IPO11: variants seen among roughly 807,000 people sequenced by gnomAD.
IPO11 encodes the protein importin 11.
Under a neutral mutation model 143.2 loss-of-function variants are expected in IPO11, and 66 were observed. The observed-to-expected ratio is 0.46, with a 90% CI of 0.38 to 0.57. IPO11 has a LOEUF of 0.57. IPO11 is among the 20% of genes least tolerant of loss of function. The probability of loss-of-function intolerance (pLI) is 0.00; values close to 1 mark genes in which losing one functional copy is unlikely to be tolerated. For synonymous variants in IPO11, 385 were observed against 377.8 expected, an observed-to-expected ratio of 1.02 and a Z score of -0.22; for missense variants, 1,026 against 1,141.0, an observed-to-expected ratio of 0.90 and a Z score of 1.45.
At chr5:62,507,660 G>A (rs1450626614) in intron 19 of IPO11, among the ~76,000 whole-genome samples, 1 of 151,972 alleles carries the variant, frequency 6.6e-6, no homozygotes. Flanking sequence ...AACAAGATTT[G>A]GCTATTTTCT....
intron 20 of IPO11, among the ~76,000 whole-genome samples, chr5:62,524,098 G>T (rs1742290050): frequency 6.6e-6 from 1 of 151,712 alleles, no homozygotes; most frequent in African/African-American, 2.4e-5. Context: ...ATTCATTTTT[G>T]AACTTTCAGA....
intron 27 of IPO11, chr5:62,581,436 G>T: frequency 2.6e-6 from 2 of 770,722 alleles, no homozygotes; most frequent in South Asian, 2.5e-5. Context: ...ATTAAAATAT[G>T]TTTTTAATAA....
chr5:62,502,189 C>G (rs73760827), intron 16 of IPO11, among the ~76,000 whole-genome samples: 1 of 152,162 alleles, frequency 6.6e-6, no homozygotes, highest in African/African-American at 2.4e-5. Context: ...TATGTCTTGA[C>G]GGCACTTACT....
At chr5:62,430,185 G>A (rs1157796709) in intron 1 of IPO11, among the ~76,000 whole-genome samples, 1 of 152,118 alleles carries the variant, frequency 6.6e-6, no homozygotes, top group Admixed American at 6.5e-5. Flanking sequence ...CATTTCTCTT[G>A]ACTGTATGTC....
intron 27 of IPO11, among the ~76,000 whole-genome samples, chr5:62,574,045 C>A (rs750240830): frequency 9.2e-5 from 14 of 152,174 alleles, no homozygotes; most frequent in Non-Finnish European, 2.1e-4. Context: ...TGTAGGACTT[C>A]TTTCTAACTA....
chr5:62,548,459 A>C (rs1270766512), intron 24 of IPO11, among the ~76,000 whole-genome samples: 1 of 152,062 alleles, frequency 6.6e-6, no homozygotes. Flanking sequence ...ATGTAAGTTT[A>C]TTTAAATGCA....
intron 21 of IPO11, among the ~76,000 whole-genome samples, chr5:62,527,456 A>G (rs1742405552): frequency 6.6e-6 from 1 of 152,222 alleles, no homozygotes; most frequent in Admixed American, 6.5e-5. Flanking sequence ...GATTTAGCCC[A>G]TGAGCTGTAG....
intron 9 of IPO11, among the ~76,000 whole-genome samples, chr5:62,477,876 A>G (rs1746020199): frequency 6.6e-6 from 1 of 152,204 alleles, no homozygotes; most frequent in African/African-American, 2.4e-5. Flanking sequence ...AAGCAATTTC[A>G]TTTATGAAAT....
chr5:62,490,086 T>C lies in IPO11; in HGVS notation c.1358-29T>C, dbSNP rs751559029. The stretch of plus-strand genomic sequence containing the variant: ...TTGCAGATCTGATATCTGAAACCTT[T>C]AATTTTTTTTCTTAAATTTTCTTCT... On this transcript the variant is annotated intron_variant, in intron 14 of 29. Coordinates refer to ENST00000325324, the MANE Select transcript of IPO11 (RefSeq NM_016338.5). 33 of 1,418,622 alleles carry C rather than the reference T, an allele frequency of 2.3e-5. No individual in the cohort carries two copies. In the East Asian group the frequency reaches 8.0e-4, roughly 34 times the overall value. The allele number at this position is 1,418,622 out of a possible 1,614,324, so 87.9% of individuals were successfully genotyped here.
chr5:62,459,928 A>G (rs762588272), intron 5 of IPO11, among the ~76,000 whole-genome samples: 5 of 152,234 alleles, frequency 3.3e-5, no homozygotes, highest in Non-Finnish European at 7.3e-5. Flanking sequence ...AGGTGTTTTT[A>G]AAATTGAAAA....
At chr5:62,470,859 G>A (rs1405333549) in intron 7 of IPO11, among the ~76,000 whole-genome samples, 6 of 93,686 alleles carry the variant, frequency 6.4e-5, no homozygotes, top group African/African-American at 1.8e-4. Context: ...ACAGAGTCTC[G>A]CTCTGTCACC....
intron 24 of IPO11, among the ~76,000 whole-genome samples, chr5:62,543,774 T>C (rs1743045956): frequency 6.6e-6 from 1 of 152,166 alleles, no homozygotes; most frequent in South Asian, 2.1e-4. Flanking sequence ...TTAATTGTGA[T>C]GTTAGGGTGT....
intron 29 of IPO11, among the ~76,000 whole-genome samples, chr5:62,621,450 A>C (rs1205607206): frequency 1.3e-5 from 2 of 152,124 alleles, no homozygotes; most frequent in East Asian, 3.9e-4. Flanking sequence ...CCCCCTGCAA[A>C]TGGGGCATAC....
intron 4 of IPO11, among the ~76,000 whole-genome samples, chr5:62,451,482 C>A (rs1457966414): frequency 6.6e-6 from 1 of 152,082 alleles, no homozygotes; most frequent in East Asian, 1.9e-4. Context: ...ACATGGTGGA[C>A]ATTATATGAA....
At chr5:62,426,508 T>C (rs749161553) in intron 1 of IPO11, among the ~76,000 whole-genome samples, 50 of 152,310 alleles carry the variant, frequency 3.3e-4, no homozygotes, top group Non-Finnish European at 3.1e-4. Flanking sequence ...CTACTTGATA[T>C]GTGCTTAACA....
At chr5:62,456,187 T>C (rs972655943) in intron 5 of IPO11, among the ~76,000 whole-genome samples, 2 of 152,060 alleles carry the variant, frequency 1.3e-5, no homozygotes, top group African/African-American at 4.8e-5. Context: ...AATTTTTGTG[T>C]TTTTGGTAGA....
rs1554047148 is a variant in IPO11 at position 62,435,074 on chromosome 5, A to ATATATG, written c.-6-2195_-6-2194insGTATAT. The stretch of plus-strand genomic sequence containing the variant: ...TGTATATATATATGTATATATATGT[A>ATATATG]TATATATGTGTATATATGTATATAT... On this transcript the variant is annotated intron_variant, in intron 1 of 29. Coordinates refer to ENST00000325324, the MANE Select transcript of IPO11 (RefSeq NM_016338.5). Among the ~76,000 whole-genome samples the ATATATG allele has an allele frequency of 3.2e-3, 334 of 103,232 alleles. 3 individuals carry two copies. The highest frequency in any genetic ancestry group is 5.2e-3 in the Non-Finnish European group (260 of 50,070). 67.7% of individuals were successfully genotyped at this position (103,232 alleles called of 152,430 possible).
In IPO11 at chr5:62,536,682, G is replaced by A; in HGVS notation, c.2090-20G>A. ...AGTGAATTAATTTGGTTTTTTGTTT[G>A]ACATTTATTGTTTTGGCAGAACTAA... On this transcript the variant is annotated intron_variant, in intron 22 of 29. Coordinates refer to ENST00000325324, the MANE Select transcript of IPO11 (RefSeq NM_016338.5). The A allele has an allele frequency of 6.4e-7, 1 of 1,570,652 alleles. No individual in the cohort carries two copies. Among genetic ancestry groups the A allele is most frequent in the Non-Finnish European group, 8.6e-7 (1 of 1,165,676 alleles).
chr5:62,469,178 G>A (rs1161717045), intron 6 of IPO11, among the ~76,000 whole-genome samples: 1 of 152,154 alleles, frequency 6.6e-6, no homozygotes, highest in African/African-American at 2.4e-5. Flanking sequence ...GATCCTCTCA[G>A]GTATTGTGGC....
Sources: gnomAD v4.1 joint callset for allele counts (sites outside exome capture counted in the v4.1 genomes callset) on GRCh38, gnomAD v4.1.1 for gene constraint, MANE v1.5 for transcripts, NCBI Gene and HGNC (gene_info 2026-07-23, HGNC 2026-07-21) for gene names.